Variants in CLMN observed in about 807,000 individuals in gnomAD.
CLMN encodes the protein calmin, also known as calmin (calponin-like, transmembrane).
CLMN carries 57 observed loss-of-function variants against 92.7 expected under a neutral mutation model. The ratio of observed to expected loss-of-function variants is 0.61; its 90% CI spans 0.50 to 0.77. CLMN has a LOEUF of 0.77. CLMN is among the 30% of genes least tolerant of loss of function. The pLI, the probability that CLMN is intolerant of heterozygous loss-of-function variation, is 0.00. For synonymous variants in CLMN, 466 were observed against 470.6 expected, an observed-to-expected ratio of 0.99 and a Z score of 0.13; for missense variants, 1,158 against 1,237.5, an observed-to-expected ratio of 0.94 and a Z score of 0.96.
intron 1 of CLMN, among the ~76,000 whole-genome samples, chr14:95,309,761 GT>G (rs1901448964): frequency 6.6e-6 from 1 of 152,230 alleles, no homozygotes; most frequent in Non-Finnish European, 1.5e-5. Flanking sequence ...CTACAGGGCA[GT>G]CCAGCTGTGC....
chr14:95,293,676 T>TCCGA lies in CLMN; in HGVS notation c.82+26034_82+26035insTCGG, dbSNP rs1900691824. Among the ~76,000 whole-genome samples the TCCGA allele has an allele frequency of 5.5e-5, 8 of 144,930 alleles. No homozygotes were observed. The South Asian group carries it at 1.1e-3, about 21-fold the overall frequency. ...ATGTGGGTGTACTGCGCCCCCTGTC[T>TCCGA]CCCACCCACCCCCGCCCCGCAGCCC... On this transcript the variant is annotated intron_variant, in intron 1 of 12. Coordinates refer to ENST00000298912, the MANE Select transcript of CLMN (RefSeq NM_024734.4).
chr14:95,239,524 T>C (rs1898173448), intron 1 of CLMN, among the ~76,000 whole-genome samples: 1 of 152,208 alleles, frequency 6.6e-6, no homozygotes, highest in Admixed American at 6.5e-5. Flanking sequence ...TTAATCCCAA[T>C]GTTTTTGTGA....
intron 8 of CLMN, among the ~76,000 whole-genome samples, chr14:95,205,904 T>C (rs182014724): frequency 9.7e-4 from 148 of 152,062 alleles, no homozygotes; most frequent in African/African-American, 3.3e-3. Flanking sequence ...GGAAGGACAA[T>C]GGAGCATAGA....
intron 1 of CLMN, 57 bp from the exon 2 acceptor site, chr14:95,230,190 C>T (rs1226051605): frequency 2.0e-6 from 3 of 1,484,898 alleles, no homozygotes; most frequent in African/African-American, 2.8e-5. Context: ...CAAAATCACA[C>T]CTTCCCCTTC....
At chr14:95,219,168 C>A (rs1285850741) in intron 4 of CLMN, among the ~76,000 whole-genome samples, 1 of 152,152 alleles carries the variant, frequency 6.6e-6, no homozygotes, top group Non-Finnish European at 1.5e-5. Flanking sequence ...TAAATGTGAC[C>A]CAAATGGCTG....
At position 95,203,716 on chromosome 14, in the gene CLMN, T is replaced by A; in HGVS notation, c.1633A>T (p.Met545Leu). 6.2e-7 allele frequency: 1 copy of A among 1,614,180 alleles called. No individual in the cohort carries two copies. The highest frequency in any genetic ancestry group is 8.5e-7 in the Non-Finnish European group (1 of 1,180,034). The change falls in exon 9 of 13, where the codon ATG becomes TTG. Residue 545 changes from methionine (M) to leucine (L), a missense_variant. Met to Leu is a conservative substitution (Grantham distance 15, BLOSUM62 2). Coordinates refer to ENST00000298912, the MANE Select transcript of CLMN (RefSeq NM_024734.4). ...CCCTCCTCTAAAGCTTCTACAGTCA[T>A]CAGGTTAACCTTGATCTGGAAGGAA... ...ADSFQIKVNL[M>L]TVEALEEGDY...
chr14:95,207,312 G>A (rs1897073117), intron 8 of CLMN, among the ~76,000 whole-genome samples: 1 of 152,010 alleles, frequency 6.6e-6, no homozygotes, highest in Non-Finnish European at 1.5e-5. Flanking sequence ...AGAAAATGGG[G>A]TCTCGCTTTG....
rs781736842 is a variant in CLMN, at chr14:95,203,416, C to A, written c.1933G>T (p.Ala645Ser). The A allele has an allele frequency of 1.2e-6, 2 of 1,614,168 alleles. No homozygotes were observed. The highest frequency in any genetic ancestry group is 4.5e-5 in the East Asian group (2 of 44,884). The change falls in exon 9 of 13, where the codon GCC becomes TCC. Residue 645 changes from alanine to serine, a missense_variant. Transcript: ENST00000298912. ...SGEEAEGCPS[A>S]PEETPVDKKP... ...TTATCCACTGGTGTCTCTTCTGGGG[C>A]TGAAGGACAGCCTTCAGCTTCTTCT...
At chr14:95,247,540 A>G (rs182386868) in intron 1 of CLMN, among the ~76,000 whole-genome samples, 19 of 152,286 alleles carry the variant, frequency 1.2e-4, no homozygotes, top group African/African-American at 4.3e-4. Context: ...TGCACTGTGC[A>G]CACTTCATCC....
rs377239293 is a variant in CLMN at position 95,294,939 on chromosome 14, C to T, written c.82+24772G>A. Among the ~76,000 whole-genome samples the T allele has an allele frequency of 5.3e-4, 80 of 152,364 alleles. No homozygotes were observed. Among genetic ancestry groups the T allele is most frequent in the African/African-American group, 1.8e-3 (73 of 41,586 alleles). ...TCCAGCCAGAGTGCCCCTCACCAGG[C>T]GATAGCTTTGTGGGGCTCCTATAAT... is the stretch of plus-strand genomic sequence containing the variant. On this transcript the variant is annotated intron_variant, in intron 1 of 12. Transcript: ENST00000298912. The surrounding 1 kb of genome is among the most constrained non-coding windows in gnomAD (Gnocchi z 4.2).
intron 1 of CLMN, among the ~76,000 whole-genome samples, chr14:95,230,423 A>G (rs1897847666): frequency 6.6e-6 from 1 of 152,274 alleles, no homozygotes; most frequent in African/African-American, 2.4e-5. Context: ...AGTTCAGGCT[A>G]AGAAGCACTG....
intron 4 of CLMN, 117 bp from the exon 5 acceptor site, chr14:95,215,850 T>C (rs1185370882): frequency 9.7e-6 from 6 of 620,454 alleles, no homozygotes; most frequent in African/African-American, 2.0e-5. Context: ...TGTGTGTGTG[T>C]GTGTGTGTGT....
chr14:95,205,982 G>A (rs2140581126), intron 8 of CLMN, among the ~76,000 whole-genome samples: 1 of 152,244 alleles, frequency 6.6e-6, no homozygotes, highest in South Asian at 2.1e-4. Context: ...TATGAAAAAT[G>A]TACTGATTAA....
chr14:95,271,357 T>C (rs1294971418), intron 1 of CLMN, among the ~76,000 whole-genome samples: 1 of 152,202 alleles, frequency 6.6e-6, no homozygotes, highest in African/African-American at 2.4e-5. Context: ...TTCTGAACGA[T>C]TCAGTCCCAG....
intron 12 of CLMN, chr14:95,193,414 A>G: frequency 6.5e-7 from 1 of 1,529,024 alleles, no homozygotes; most frequent in Non-Finnish European, 8.8e-7. Context: ...TGAGTACTGT[A>G]CCTGCAGTGG....
At chr14:95,204,702 A>G (rs1896999112) in intron 8 of CLMN, among the ~76,000 whole-genome samples, 1 of 152,198 alleles carries the variant, frequency 6.6e-6, no homozygotes, top group Non-Finnish European at 1.5e-5. Flanking sequence ...ATAAATAAAA[A>G]TATAAAATAC....
chr14:95,223,655 G>A (rs1011661604), intron 3 of CLMN, 105 bp downstream of exon 3: 2 of 844,564 alleles, frequency 2.4e-6, no homozygotes, highest in African/African-American at 3.5e-5. Flanking sequence ...CCGCTTCAGA[G>A]TTTCTTATTA....
intron 1 of CLMN, among the ~76,000 whole-genome samples, chr14:95,279,580 G>C (rs190059576): frequency 1.3e-5 from 2 of 152,296 alleles, no homozygotes; most frequent in East Asian, 1.9e-4. Context: ...TCAGGAGATC[G>C]AGACCATCCT....
chr14:95,245,246 A>ATATATATAATATATATATATAT (rs1898485475), intron 1 of CLMN, among the ~76,000 whole-genome samples: 1 of 37,050 alleles, frequency 2.7e-5, no homozygotes, highest in Non-Finnish European at 4.1e-5. Flanking sequence ...TATTATATAT[A>ATATATATAATATATATATATAT]TATATATAAT....
Sources: allele counts gnomAD v4.1 joint callset (sites outside exome capture counted in the v4.1 genomes callset), GRCh38; gene constraint gnomAD v4.1.1; non-coding constraint Gnocchi (gnomAD v3.1); transcripts MANE v1.5; gene names NCBI Gene and HGNC (gene_info 2026-07-23, HGNC 2026-07-21).